Variants in WDR17 observed in about 807,000 individuals in gnomAD.
The protein encoded by WDR17 is WD repeat domain 17.
In WDR17, 143 loss-of-function variants were observed where a neutral mutation model predicts 161.7. The observed-to-expected ratio is 0.88, with a 90% confidence interval of 0.77 to 1.02. The LOEUF is 1.02. Among genes scored for constraint, WDR17 ranks in the 50% least tolerant of loss-of-function variants. WDR17 has a pLI of 0.00. For missense variants in WDR17, 1,469 were observed against 1,520.9 expected (o/e 0.97, Z 0.57); for synonymous variants, 517 against 515.6 (o/e 1.00, Z -0.04).
At chr4:176,091,146 C>T (rs1460931500) in intron 1 of WDR17, among the ~76,000 whole-genome samples, 9 of 152,188 alleles carry the variant, frequency 5.9e-5, no homozygotes, top group Non-Finnish European at 1.2e-4. Flanking sequence ...CTATCCTCAG[C>T]AACCTAATAG....
chr4:176,109,379 G>A (rs537589975), intron 1 of WDR17, among the ~76,000 whole-genome samples: 6 of 152,030 alleles, frequency 3.9e-5, no homozygotes, highest in Non-Finnish European at 5.9e-5. Flanking sequence ...AATGTTTGAG[G>A]AAATACAGGT....
chr4:176,127,270 G>A (rs1431700410), intron 5 of WDR17, among the ~76,000 whole-genome samples: 2 of 151,592 alleles, frequency 1.3e-5, no homozygotes, highest in Non-Finnish European at 2.9e-5. Context: ...AACTTTTCAG[G>A]ATATAATTAA....
chr4:176,166,352 A>G (rs944657153), intron 22 of WDR17, among the ~76,000 whole-genome samples: 2 of 152,156 alleles, frequency 1.3e-5, no homozygotes, highest in East Asian at 1.9e-4. Context: ...ATGATTTTAT[A>G]CTTAAAAGTT....
intron 1 of WDR17, among the ~76,000 whole-genome samples, chr4:176,097,202 T>A (rs1183048298): frequency 3.3e-5 from 5 of 152,004 alleles, no homozygotes; most frequent in African/African-American, 1.2e-4. Flanking sequence ...GAATAATATA[T>A]GATTTCTCTT....
intron 12 of WDR17, among the ~76,000 whole-genome samples, chr4:176,146,699 G>C (rs1746229988): frequency 6.6e-6 from 1 of 152,048 alleles, no homozygotes. Flanking sequence ...TACAATAACA[G>C]TAAGTTATTT....
chr4:176,168,915 A>G, intron 23 of WDR17, 132 bp downstream of exon 23: 1 of 956,776 alleles, frequency 1.0e-6, no homozygotes, highest in Non-Finnish European at 1.5e-6. Flanking sequence ...CAAGTACAAC[A>G]AAAGTGTTGT....
At chr4:176,121,470 T>G (rs2126725450) in intron 4 of WDR17, among the ~76,000 whole-genome samples, 1 of 152,314 alleles carries the variant, frequency 6.6e-6, no homozygotes, top group South Asian at 2.1e-4. Context: ...TCATTAGTGA[T>G]ATTCCTCCAC....
At position 176,177,452 on chromosome 4, in the gene WDR17, A is replaced by G. The variant is rs757153013; in HGVS notation, c.3549-19A>G. The G allele has an allele frequency of 4.4e-5, 66 of 1,515,454 alleles. No homozygotes were observed. The highest frequency in any genetic ancestry group is 5.5e-5 in the Non-Finnish European group (63 of 1,136,546). 93.9% of individuals were successfully genotyped at this position (1,515,454 alleles called of 1,614,324 possible). A position where few individuals can be genotyped will look rare whatever the true frequency, so the allele number is the denominator to read the frequency against. On this transcript the variant is annotated intron_variant, in intron 27 of 28. Transcript: ENST00000508596. ...TGTGATTCGACAAAATGAAATTTTG[A>G]TATCTGTTGAAAATATAGATCATTA...
intron 17 of WDR17, among the ~76,000 whole-genome samples, chr4:176,154,648 TAGAG>T (rs1238044055): frequency 6.6e-6 from 1 of 152,218 alleles, no homozygotes; most frequent in Non-Finnish European, 1.5e-5. Flanking sequence ...TTTCTTCTGT[TAGAG>T]AGAGATTTCC....
chr4:176,071,795 C>A lies in WDR17; in HGVS notation c.-7+5716C>A, dbSNP rs563593384. On this transcript the variant is annotated intron_variant, in intron 1 of 28. Coordinates refer to ENST00000508596, the MANE Select transcript of WDR17 (RefSeq NM_181265.4). ...TCTGGGTAAGTCTAGTTCCAGGATT[C>A]AAATCCATATAATTTTCATTTTCAT... is the stretch of plus-strand genomic sequence containing the variant. 4.5e-3 allele frequency among the ~76,000 whole-genome samples: 686 copies of A among 152,238 alleles called. 3 individuals carry two copies. Among genetic ancestry groups the A allele is most frequent in the Non-Finnish European group, 7.6e-3 (515 of 68,012 alleles).
At chr4:176,071,423 A>G (rs1387547714) in intron 1 of WDR17, among the ~76,000 whole-genome samples, 1 of 151,840 alleles carries the variant, frequency 6.6e-6, no homozygotes, top group East Asian at 2.0e-4. Context: ...CCCGGATTCA[A>G]GCAATTCTCC....
chr4:176,101,801 G>A (rs1737875475), intron 1 of WDR17, among the ~76,000 whole-genome samples: 2 of 152,106 alleles, frequency 1.3e-5, no homozygotes, highest in South Asian at 4.1e-4. Context: ...CAACAAATGA[G>A]GCTGGAATAA....
intron 24 of WDR17, among the ~76,000 whole-genome samples, chr4:176,173,009 A>C (rs1437533697): frequency 6.6e-6 from 1 of 152,212 alleles, no homozygotes; most frequent in Non-Finnish European, 1.5e-5. Flanking sequence ...TCCAAACTAT[A>C]TCAATGATCA....
chr4:176,120,195 A>T, intron 4 of WDR17, 98 bp downstream of exon 4: 1 of 884,404 alleles, frequency 1.1e-6, no homozygotes, highest in Non-Finnish European at 1.7e-6. Flanking sequence ...CCCATTGTGA[A>T]TAAAACCAAA....
intron 22 of WDR17, 31 bp downstream of exon 22, chr4:176,163,324 C>A (rs1159681974): frequency 6.3e-7 from 1 of 1,578,960 alleles, no homozygotes; most frequent in African/African-American, 1.4e-5. Flanking sequence ...AGAATAATTT[C>A]ATAGTGATGG....
chr4:176,086,525 T>G (rs183845969), intron 1 of WDR17, among the ~76,000 whole-genome samples: 1 of 152,094 alleles, frequency 6.6e-6, no homozygotes, highest in African/African-American at 2.4e-5. Context: ...TCAGTCTCAT[T>G]GTCACCTTTA....
chr4:176,090,811 A>C (rs1196367614), intron 1 of WDR17, among the ~76,000 whole-genome samples: 1 of 152,212 alleles, frequency 6.6e-6, no homozygotes. Context: ...GCCCATGATA[A>C]GCATTGTTTC....
intron 21 of WDR17, 99 bp from the exon 22 acceptor site, chr4:176,163,055 T>G: frequency 7.1e-7 from 1 of 1,399,556 alleles, no homozygotes; most frequent in Non-Finnish European, 1.0e-6. Flanking sequence ...AATTGATTTA[T>G]AGGTTAATAC....
intron 1 of WDR17, among the ~76,000 whole-genome samples, chr4:176,094,936 A>G (rs1736628491): frequency 6.6e-6 from 1 of 152,138 alleles, no homozygotes; most frequent in African/African-American, 2.4e-5. Context: ...AAATATGTTA[A>G]TATTGAGATT....
Sources: gnomAD v4.1 joint callset for allele counts (sites outside exome capture counted in the v4.1 genomes callset) on GRCh38, gnomAD v4.1.1 for gene constraint, MANE v1.5 for transcripts, NCBI Gene and HGNC (gene_info 2026-07-23, HGNC 2026-07-21) for gene names.